LRBA: variants seen among roughly 807,000 people sequenced by gnomAD.
The protein encoded by LRBA is LPS responsive beige-like anchor protein.
A neutral mutation model predicts 330.0 loss-of-function variants in LRBA; 176 were observed. The observed-to-expected ratio is 0.53, with a 90% CI of 0.47 to 0.60. The LOEUF is 0.60. LRBA is among the 20% of genes least tolerant of loss of function. The pLI, the probability that LRBA is intolerant of heterozygous loss-of-function variation, is 0.00. For missense variants in LRBA, 3,259 were observed against 3,444.8 expected (o/e 0.95, Z 1.35); for synonymous variants, 1,230 against 1,193.0 (o/e 1.03, Z -0.64).
At chr4:150,445,416 T>A (rs1159104824) in intron 44 of LRBA, among the ~76,000 whole-genome samples, 1 of 143,426 alleles carries the variant, frequency 7.0e-6, no homozygotes, top group Admixed American at 7.1e-5. Flanking sequence ...TATATACATA[T>A]ATACACACAC....
intron 34 of LRBA, among the ~76,000 whole-genome samples, chr4:150,776,268 G>C (rs975673586): frequency 1.2e-4 from 18 of 152,096 alleles, no homozygotes; most frequent in Non-Finnish European, 2.5e-4. Context: ...AGGGAGCCAA[G>C]ATCATGCCAC....
intron 2 of LRBA, among the ~76,000 whole-genome samples, chr4:150,953,118 C>T (rs1259483083): frequency 6.6e-6 from 1 of 152,148 alleles, no homozygotes; most frequent in Non-Finnish European, 1.5e-5. Flanking sequence ...AAGAGCGTAT[C>T]TGAAGAGTTC....
chr4:150,998,482 T>C (rs1046966638), intron 2 of LRBA, among the ~76,000 whole-genome samples: 3 of 151,780 alleles, frequency 2.0e-5, no homozygotes, highest in Non-Finnish European at 1.5e-5. Flanking sequence ...CCATCTCCAG[T>C]GGGTAGGACT....
chr4:150,315,389 GT>G (rs1731589283), intron 51 of LRBA, 171 bp downstream of exon 51: 1 of 665,700 alleles, frequency 1.5e-6, no homozygotes, highest in South Asian at 1.7e-5. Flanking sequence ...ACGAGGGGGA[GT>G]TGATGAAATA....
intron 46 of LRBA, among the ~76,000 whole-genome samples, chr4:150,427,377 A>C (rs1749777850): frequency 6.6e-6 from 1 of 152,028 alleles, no homozygotes. Context: ...CATTGTAGAC[A>C]CGAGTACAAA....
intron 44 of LRBA, among the ~76,000 whole-genome samples, chr4:150,456,319 T>C (rs1297354110): frequency 7.2e-5 from 11 of 152,198 alleles, no homozygotes; most frequent in Admixed American, 7.2e-4. Flanking sequence ...TTTCTTCACA[T>C]GCTCACCAGC....
At chr4:150,739,809 G>A (rs997154145) in intron 35 of LRBA, among the ~76,000 whole-genome samples, 5 of 152,088 alleles carry the variant, frequency 3.3e-5, no homozygotes, top group African/African-American at 9.7e-5. Flanking sequence ...TCAGTCTAAC[G>A]ACTCAAAAGG....
At chr4:150,826,467 G>C (rs377406366) in intron 30 of LRBA, among the ~76,000 whole-genome samples, 7 of 152,250 alleles carry the variant, frequency 4.6e-5, no homozygotes, top group African/African-American at 1.7e-4. Context: ...TTAATATAAA[G>C]CTGCTAACCC....
At chr4:150,408,300 T>G (rs1746483534) in intron 47 of LRBA, among the ~76,000 whole-genome samples, 1 of 151,606 alleles carries the variant, frequency 6.6e-6, no homozygotes, top group Non-Finnish European at 1.5e-5. Context: ...ATGGACAAAT[T>G]CCAAGAAAGA....
At chr4:150,457,663 TA>T (rs913354428) in intron 44 of LRBA, among the ~76,000 whole-genome samples, 2 of 150,354 alleles carry the variant, frequency 1.3e-5, no homozygotes, top group African/African-American at 2.4e-5. Flanking sequence ...TTTCTATAAT[TA>T]AAAAAAAATA....
intron 9 of LRBA, among the ~76,000 whole-genome samples, chr4:150,912,624 G>A (rs892640197): frequency 1.3e-5 from 2 of 152,098 alleles, no homozygotes; most frequent in Non-Finnish European, 2.9e-5. Flanking sequence ...CCCACCACCC[G>A]TGGTCCATGG....
At chr4:150,441,136 T>C (rs1372522880) in intron 44 of LRBA, among the ~76,000 whole-genome samples, 1 of 152,002 alleles carries the variant, frequency 6.6e-6, no homozygotes, top group Non-Finnish European at 1.5e-5. Flanking sequence ...TTATTATTTT[T>C]TTCAGGTTAT....
chr4:150,632,513 A>C (rs1777489176), intron 37 of LRBA, among the ~76,000 whole-genome samples: 1 of 152,206 alleles, frequency 6.6e-6, no homozygotes, highest in Non-Finnish European at 1.5e-5. Context: ...AGAACAAAAG[A>C]GAACTAGAAG....
Position 150,897,731 on chromosome 4 carries a change from G to T in LRBA, c.2004+8C>A. 6.2e-7 allele frequency: 1 copy of T among 1,600,046 alleles called. No individual in the cohort carries two copies. Among genetic ancestry groups the T allele is most frequent in the Non-Finnish European group, 8.6e-7 (1 of 1,168,036 alleles). ...CGGTATGCTATGGAATAAGCAACGTGAACTCACCTTCATCACTAATTGCTT... is the reference window on the plus strand; with the variant it reads ...CGGTATGCTATGGAATAAGCAACGTTAACTCACCTTCATCACTAATTGCTT... On this transcript the variant is annotated splice_region_variant and intron_variant, in intron 15 of 56. Coordinates refer to ENST00000651943, the MANE Select transcript of LRBA (RefSeq NM_001364905.1).
At chr4:150,728,722 T>C (rs959501259) in intron 36 of LRBA, among the ~76,000 whole-genome samples, 1 of 150,664 alleles carries the variant, frequency 6.6e-6, no homozygotes, top group African/African-American at 2.4e-5. Flanking sequence ...AAGCCATATA[T>C]GACAGACCCA....
In LRBA at chr4:150,583,605, C is replaced by A. The variant is rs762798919; in HGVS notation, c.6330+4443G>T. ...CGGCACAGTGGCCTATGCCCCACAT[C>A]CCTTGGCCCGGCCCCAATCGGGTGG... is the stretch of plus-strand genomic sequence containing the variant. On this transcript the variant is annotated intron_variant, in intron 40 of 56. Coordinates refer to ENST00000651943, the MANE Select transcript of LRBA (RefSeq NM_001364905.1). This position sits in a 1 kb window ranked among gnomAD's most constrained non-coding sequence, Gnocchi z 9.8. The A allele has an allele frequency of 1.9e-6, 3 of 1,613,920 alleles. No homozygotes were observed. In the African/African-American group the frequency reaches 4.0e-5, roughly 22 times the overall value.
chr4:150,416,986 C>CT (rs1747858942), intron 46 of LRBA, among the ~76,000 whole-genome samples: 1 of 151,610 alleles, frequency 6.6e-6, no homozygotes, highest in Non-Finnish European at 1.5e-5. Context: ...ACCAGTTGGA[C>CT]AAAATATGGA....
chr4:150,963,016 T>C (rs1738333091), intron 2 of LRBA, among the ~76,000 whole-genome samples: 1 of 60,760 alleles, frequency 1.6e-5, no homozygotes, highest in Non-Finnish European at 6.3e-5. Flanking sequence ...AAAAGCTTTT[T>C]ATTAAAAAAA....
rs1747677632 is a variant in LRBA at position 150,282,592 on chromosome 4, C to T, written c.8174G>A (p.Gly2725Asp). ...TTTTGGTTTCAGGCAGTTTTCAGGA[C>T]CCTCCAAGGTCCTCAACAAGTCTCC... ...MNGDLLRTLE[G>D]PENCLKPKLI... The change falls in exon 55 of 57, where the codon GGT (glycine) becomes GAT (aspartate). Residue 2725 changes from glycine to aspartate, a missense_variant. Transcript: ENST00000651943. 1 of 1,614,094 alleles carries T rather than the reference C, an allele frequency of 6.2e-7. No homozygotes were observed. The highest frequency in any genetic ancestry group is 8.5e-7 in the Non-Finnish European group (1 of 1,179,964).
Sources: gnomAD v4.1 joint callset for allele counts (sites outside exome capture counted in the v4.1 genomes callset) on GRCh38, gnomAD v4.1.1 for gene constraint, Gnocchi (gnomAD v3.1) non-coding constraint, MANE v1.5 for transcripts, NCBI Gene and HGNC (gene_info 2026-07-23, HGNC 2026-07-21) for gene names.